The following KMT2C variants were observed in gnomAD, a reference collection of about 807,000 sequenced individuals.
The protein encoded by KMT2C is lysine methyltransferase 2C, also known as histone-lysine N-methyltransferase 2C.
Under a neutral mutation model 507.9 loss-of-function variants are expected in KMT2C, and 88 were observed. The observed-to-expected ratio is 0.17, with a 90% CI of 0.15 to 0.21. The LOEUF (loss-of-function observed/expected upper bound fraction) is 0.21, where lower values mean the gene tolerates loss of function less well. Ranked by LOEUF, KMT2C falls within the 10% of genes least tolerant of loss-of-function variation. The pLI is 1.00. For synonymous variants in KMT2C, 2,049 were observed against 2,080.8 expected, an observed-to-expected ratio of 0.98 and a Z score of 0.42; for missense variants, 4,954 against 5,957.8, an observed-to-expected ratio of 0.83 and a Z score of 5.55.
chr7:152,305,725 A>T (rs1563797091), intron 6 of KMT2C, among the ~76,000 whole-genome samples: 1 of 152,166 alleles, frequency 6.6e-6, no homozygotes, highest in African/African-American at 2.4e-5. Context: ...TCCAGTTCTT[A>T]GGAGCTCCTT....
chr7:152,212,734 T>C (rs185083204), intron 23 of KMT2C, among the ~76,000 whole-genome samples: 7 of 152,240 alleles, frequency 4.6e-5, no homozygotes, highest in East Asian at 1.9e-4. Flanking sequence ...CTATAAAATA[T>C]TGACAAAAGA....
chr7:152,397,517 C>A (rs561291355), intron 1 of KMT2C, among the ~76,000 whole-genome samples: 1 of 152,146 alleles, frequency 6.6e-6, no homozygotes, highest in South Asian at 2.1e-4. Flanking sequence ...GCTTGCCTCT[C>A]AAATATGGTC....
chr7:152,193,667 G>C (rs1018088271), intron 31 of KMT2C, among the ~76,000 whole-genome samples: 3 of 152,154 alleles, frequency 2.0e-5, no homozygotes, highest in Non-Finnish European at 2.9e-5. Flanking sequence ...CAGGCAGCCA[G>C]GTGAGCGGGG....
chr7:152,272,838 T>A (rs2096002901), intron 7 of KMT2C, among the ~76,000 whole-genome samples: 1 of 152,146 alleles, frequency 6.6e-6, no homozygotes, highest in Non-Finnish European at 1.5e-5. Flanking sequence ...GTAGCTATAC[T>A]TACGTTTCAC....
chr7:152,165,326 C>G (rs1428285228), intron 42 of KMT2C, among the ~76,000 whole-genome samples: 1 of 152,128 alleles, frequency 6.6e-6, no homozygotes, highest in East Asian at 1.9e-4. Flanking sequence ...TCCCATTTTT[C>G]AAGTATTAGC....
intron 6 of KMT2C, among the ~76,000 whole-genome samples, chr7:152,292,294 G>C (rs570872268): frequency 2.0e-4 from 30 of 152,184 alleles, no homozygotes; most frequent in Non-Finnish European, 4.0e-4. Context: ...GGTAATGAGA[G>C]AAATAAATAA....
chr7:152,336,301 G>C (rs578006019), intron 2 of KMT2C, among the ~76,000 whole-genome samples: 1 of 152,294 alleles, frequency 6.6e-6, no homozygotes, highest in East Asian at 1.9e-4. Flanking sequence ...GACTATGTTA[G>C]ATCTTAGTAT....
intron 27 of KMT2C, among the ~76,000 whole-genome samples, chr7:152,197,396 G>A (rs573386854): frequency 5.9e-5 from 9 of 152,250 alleles, no homozygotes; most frequent in Admixed American, 2.6e-4. Context: ...TTAAAAGGGG[G>A]AGGAGGGCAT....
rs188882869 is a variant in KMT2C at position 152,395,911 on chromosome 7, T to C, written c.162-37236A>G. On this transcript the variant is annotated intron_variant, in intron 1 of 58. Coordinates refer to ENST00000262189, the MANE Select transcript of KMT2C (RefSeq NM_170606.3). ...CCACTCTTAGCCAATTATATAAAAA[T>C]ATTAGTTGATGCTGATAAAGTGCTT... Among the ~76,000 whole-genome samples the C allele has an allele frequency of 1.6e-4, 24 of 152,330 alleles. 1 individual carries two copies. Among genetic ancestry groups the C allele is most frequent in the Middle Eastern group, 6.8e-3 (2 of 294 alleles).
At chr7:152,425,341 C>A (rs2097805492) in intron 1 of KMT2C, among the ~76,000 whole-genome samples, 1 of 152,176 alleles carries the variant, frequency 6.6e-6, no homozygotes, top group African/African-American at 2.4e-5. Flanking sequence ...TTTGGAAGGC[C>A]AAGGTGGGTG....
rs1295802963 is a variant in KMT2C, at chr7:152,177,091, G to C, written c.8362C>G (p.Gln2788Glu). The change falls in exon 38 of 59, where the codon CAG (glutamine) becomes GAG (glutamate). Residue 2788 changes from glutamine to glutamate, a missense_variant. By Grantham distance (29) the Gln-to-Glu change is conservative (BLOSUM62 2). Transcript: ENST00000262189. ...DLPIDDKLDN[Q>E]CVSVEPKKKE... ...TTTTTTGGTTCAACAGATACACACT[G>C]ATTATCTAACTTATCATCAATTGGA... 1 of 1,612,376 alleles carries C rather than the reference G, an allele frequency of 6.2e-7. No individual in the cohort carries two copies. The highest frequency in any genetic ancestry group is 8.5e-7 in the Non-Finnish European group (1 of 1,179,392).
chr7:152,224,055 T>C lies in KMT2C; in HGVS notation c.3283A>G (p.Arg1095Gly), dbSNP rs760716705. 4.3e-6 allele frequency: 7 copies of C among 1,611,272 alleles called. No homozygotes were observed. Among genetic ancestry groups the C allele is most frequent in the Non-Finnish European group, 5.1e-6 (6 of 1,179,210 alleles). ...CATTGCAGAATAAGATCTTCTTCTCTATAGTTTCGATAGCAGACTGGACAG... is the reference window on the plus strand; with the variant it reads ...CATTGCAGAATAAGATCTTCTTCTCCATAGTTTCGATAGCAGACTGGACAG... ...SSCPVCYRNY[R>G]EEDLILQCRQ... is the part of the protein sequence containing the mutation. Residue 1095 changes from arginine to glycine, a missense_variant, in exon 20 of 59, where the codon AGA (arginine) becomes GGA (glycine). Transcript: ENST00000262189.
At chr7:152,342,554 G>A (rs2097006210) in intron 2 of KMT2C, among the ~76,000 whole-genome samples, 1 of 152,174 alleles carries the variant, frequency 6.6e-6, no homozygotes, top group Non-Finnish European at 1.5e-5. Flanking sequence ...AGAACTGGAG[G>A]AATAGACATG....
At chr7:152,178,075 G>GTT in intron 37 of KMT2C, 65 bp from the exon 38 acceptor site, 1 of 1,276,744 alleles carries the variant, frequency 7.8e-7, no homozygotes, top group Non-Finnish European at 9.8e-7. Context: ...TTAGAGTTAA[G>GTT]TTGAAAAAAA....
intron 2 of KMT2C, among the ~76,000 whole-genome samples, chr7:152,357,728 G>T (rs2097163837): frequency 6.6e-6 from 1 of 152,040 alleles, no homozygotes; most frequent in African/African-American, 2.4e-5. Context: ...ACTCTAACTA[G>T]ACCTTATTGG....
chr7:152,362,769 T>C (rs2097207044), intron 1 of KMT2C, among the ~76,000 whole-genome samples: 1 of 152,210 alleles, frequency 6.6e-6, no homozygotes, highest in Non-Finnish European at 1.5e-5. Flanking sequence ...GTTTATAATC[T>C]CTATCAACAT....
At chr7:152,314,657 A>AAACTTATATATAAAT (rs2096706732) in intron 4 of KMT2C, among the ~76,000 whole-genome samples, 1 of 152,186 alleles carries the variant, frequency 6.6e-6, no homozygotes, top group Non-Finnish European at 1.5e-5. Flanking sequence ...AATTAAATAA[A>AAACTTATATATAAAT]TGACTGAATG....
At chr7:152,297,252 G>A (rs1375853464) in intron 6 of KMT2C, among the ~76,000 whole-genome samples, 1 of 152,126 alleles carries the variant, frequency 6.6e-6, no homozygotes, top group Non-Finnish European at 1.5e-5. Flanking sequence ...GGCATAGAGA[G>A]TGGCAACTGA....
At chr7:152,235,207 G>GTGTATATATATATATATA (rs1554561903) in intron 16 of KMT2C, among the ~76,000 whole-genome samples, 1 of 142,424 alleles carries the variant, frequency 7.0e-6, no homozygotes, top group African/African-American at 2.7e-5. Context: ...TTTCAAGGGT[G>GTGTATATATATATATATA]TATATATATA....
Sources: allele counts gnomAD v4.1 joint callset (sites outside exome capture counted in the v4.1 genomes callset), GRCh38; gene constraint gnomAD v4.1.1; transcripts MANE v1.5; gene names NCBI Gene and HGNC (gene_info 2026-07-23, HGNC 2026-07-21).